MALRD1: variants seen among roughly 807,000 people sequenced by gnomAD.
MALRD1 encodes MAM and LDL receptor class A domain containing 1, also known as MAM and LDL-receptor class A domain-containing protein 1.
Under a neutral mutation model 242.1 loss-of-function variants are expected in MALRD1, and 247 were observed. That is an observed-to-expected ratio of 1.02 (90% confidence interval 0.92 to 1.13). The LOEUF is 1.13. MALRD1 is among the 50% of genes most tolerant of loss of function. The probability of loss-of-function intolerance (pLI) is 0.00; values close to 1 mark genes in which losing one functional copy is unlikely to be tolerated. For synonymous variants in MALRD1, 995 were observed against 866.6 expected (o/e 1.15, Z -2.60); for missense variants, 2,989 against 2,533.1 (o/e 1.18, Z -3.86).
chr10:19,293,029 C>T (rs532679342), intron 21 of MALRD1, among the ~76,000 whole-genome samples: 3 of 151,284 alleles, frequency 2.0e-5, no homozygotes, highest in Admixed American at 6.6e-5. Flanking sequence ...TTTTCTGTAA[C>T]GATAATAATT....
intron 18 of MALRD1, among the ~76,000 whole-genome samples, chr10:19,233,117 G>T (rs945091844): frequency 6.6e-6 from 1 of 152,126 alleles, no homozygotes; most frequent in African/African-American, 2.4e-5. Context: ...TGGGGTACAT[G>T]AGATGTTTTG....
At chr10:19,418,478 C>A (rs1162507527) in intron 28 of MALRD1, among the ~76,000 whole-genome samples, 2 of 152,224 alleles carry the variant, frequency 1.3e-5, no homozygotes, top group African/African-American at 4.8e-5. Context: ...ACAGCCACTG[C>A]TATGCCTGAC....
rs146115227 is a variant in MALRD1, at chr10:19,399,719, G to A, written c.4845+10110G>A. Among the ~76,000 whole-genome samples the A allele has an allele frequency of 2.6e-3, 397 of 152,100 alleles. 1 individual carries two copies. Among genetic ancestry groups the A allele is most frequent in the African/African-American group, 9.0e-3 (375 of 41,488 alleles). Reference sequence around the variant, plus strand: ...AAACAATACCATTTGTAATCTTTGAGGGAATTTTAATTAAAATAAATGTTT... The same window carrying A: ...AAACAATACCATTTGTAATCTTTGAAGGAATTTTAATTAAAATAAATGTTT... On this transcript the variant is annotated intron_variant, in intron 28 of 39. Transcript: ENST00000454679.
At chr10:19,166,091 CAT>C (rs370325669) in intron 13 of MALRD1, among the ~76,000 whole-genome samples, 32 of 152,278 alleles carry the variant, frequency 2.1e-4, no homozygotes, top group South Asian at 6.2e-4. Context: ...GCACTTAAGA[CAT>C]GTGTAGAATA....
intron 36 of MALRD1, among the ~76,000 whole-genome samples, chr10:19,685,034 A>G (rs1221854237): frequency 6.6e-6 from 1 of 152,324 alleles, no homozygotes; most frequent in African/African-American, 2.4e-5. Flanking sequence ...GGATTTCTAT[A>G]TACTTGGATA....
At chr10:19,602,076 G>A (rs1376695093) in intron 34 of MALRD1, among the ~76,000 whole-genome samples, 1 of 150,020 alleles carries the variant, frequency 6.7e-6, no homozygotes, top group African/African-American at 2.5e-5. Context: ...TTGCTTTATT[G>A]CGCTTCACGG....
At chr10:19,704,634 G>C (rs77712502) in intron 38 of MALRD1, among the ~76,000 whole-genome samples, 6,988 of 152,232 alleles carry the variant, frequency 0.046, 415 homozygotes, top group African/African-American at 0.14. Context: ...TGAAAGTGAT[G>C]TGGAGCAAGT....
intron 19 of MALRD1, among the ~76,000 whole-genome samples, chr10:19,266,968 A>C (rs1839998742): frequency 6.6e-6 from 1 of 152,032 alleles, no homozygotes; most frequent in Non-Finnish European, 1.5e-5. Flanking sequence ...GTGTATCTCA[A>C]AGGAAGTATT....
Position 19,331,588 on chromosome 10 carries a change from T to G in MALRD1, c.3901+6T>G, listed in dbSNP as rs1564569252. On this transcript the variant is annotated splice_donor_region_variant and intron_variant, in intron 24 of 39. Transcript: ENST00000454679. ...TGAGACTACTTTCATTTGCCGTAAG[T>G]AAAAGGGTTCTGTTTTCTTACTTTT... is the stretch of plus-strand genomic sequence containing the variant. The G allele has an allele frequency of 1.3e-6, 2 of 1,548,108 alleles. No homozygotes were observed. The highest frequency in any genetic ancestry group is 3.9e-5 in the Admixed American group (2 of 50,962).
At chr10:19,587,555 A>G (rs1004675468) in intron 33 of MALRD1, among the ~76,000 whole-genome samples, 3 of 152,226 alleles carry the variant, frequency 2.0e-5, no homozygotes, top group African/African-American at 7.2e-5. Flanking sequence ...TCTTGAGCAC[A>G]TTTCATTGAA....
intron 34 of MALRD1, among the ~76,000 whole-genome samples, chr10:19,605,909 G>A (rs1471473627): frequency 6.6e-6 from 1 of 152,000 alleles, no homozygotes; most frequent in Non-Finnish European, 1.5e-5. Context: ...CTAAGACACT[G>A]TGTTACATGT....
Position 19,258,243 on chromosome 10 carries a change from A to C in MALRD1, c.3079+472A>C, listed in dbSNP as rs1034344645. Among the ~76,000 whole-genome samples, 5 of 152,136 alleles carry C rather than the reference A, an allele frequency of 3.3e-5. No individual in the cohort carries two copies. In the East Asian group the frequency reaches 9.6e-4, roughly 29 times the overall value. Reference sequence around the variant, plus strand: ...ATGACATATTTTCCAGATATATATCAATTTTCAAACTTTCCCCTAACTCCA... The same window carrying C: ...ATGACATATTTTCCAGATATATATCCATTTTCAAACTTTCCCCTAACTCCA... On this transcript the variant is annotated intron_variant, in intron 19 of 39. Coordinates refer to ENST00000454679, the MANE Select transcript of MALRD1 (RefSeq NM_001142308.3).
chr10:19,485,032 A>G (rs547767971), intron 29 of MALRD1, among the ~76,000 whole-genome samples: 7 of 152,318 alleles, frequency 4.6e-5, no homozygotes, highest in Middle Eastern at 6.8e-3. Context: ...AGCAACTTGG[A>G]TGGAACTGAA....
intron 29 of MALRD1, among the ~76,000 whole-genome samples, chr10:19,471,663 AT>A (rs34743623): frequency 0.42 from 57,710 of 138,780 alleles, 12,281 homozygotes; most frequent in African/African-American, 0.56. Context: ...CCTCTGCTTA[AT>A]TTTTTTTTTT....
intron 18 of MALRD1, among the ~76,000 whole-genome samples, chr10:19,237,498 C>T (rs546326298): frequency 3.3e-5 from 3 of 91,798 alleles, no homozygotes; most frequent in African/African-American, 1.3e-4. Context: ...AATAGTATTT[C>T]ATTGTGTGTG....
intron 32 of MALRD1, among the ~76,000 whole-genome samples, chr10:19,560,885 C>T (rs1400549027): frequency 6.6e-6 from 1 of 151,996 alleles, no homozygotes; most frequent in African/African-American, 2.4e-5. Context: ...GTACAGAAAA[C>T]CACCATGGCA....
chr10:19,562,442 C>T (rs967008993), intron 32 of MALRD1, among the ~76,000 whole-genome samples: 4 of 152,136 alleles, frequency 2.6e-5, no homozygotes, highest in African/African-American at 7.2e-5. Flanking sequence ...TTCCTCCCCT[C>T]AACCTTCAGA....
chr10:19,325,171 G>T (rs1041356942), intron 22 of MALRD1, among the ~76,000 whole-genome samples: 72 of 151,130 alleles, frequency 4.8e-4, no homozygotes, highest in African/African-American at 1.7e-3. Flanking sequence ...TTATATCAAT[G>T]TGGACTCATA....
intron 31 of MALRD1, among the ~76,000 whole-genome samples, chr10:19,529,929 G>A (rs150391923): frequency 1.6e-4 from 24 of 152,122 alleles, no homozygotes; most frequent in African/African-American, 5.8e-4. Flanking sequence ...CATAGAATAT[G>A]TTCTATGTAC....
Sources: gnomAD v4.1 joint callset for allele counts (sites outside exome capture counted in the v4.1 genomes callset) on GRCh38, gnomAD v4.1.1 for gene constraint, MANE v1.5 for transcripts, NCBI Gene and HGNC (gene_info 2026-07-23, HGNC 2026-07-21) for gene names.